The following NRXN3 variants were observed in gnomAD, a reference collection of about 807,000 sequenced individuals.
NRXN3 encodes the protein neurexin 3, also known as neurexin III.
In NRXN3, 32 loss-of-function variants were observed where a neutral mutation model predicts 137.6. That is an observed-to-expected ratio of 0.23 (90% confidence interval 0.18 to 0.31). The LOEUF is 0.31. NRXN3 is among the 10% of genes least tolerant of loss of function. NRXN3 has a pLI of 1.00. For missense variants in NRXN3, 1,574 were observed against 2,062.5 expected (o/e 0.76, Z 4.59); for synonymous variants, 798 against 784.5 (o/e 1.02, Z -0.29).
intron 17 of NRXN3, among the ~76,000 whole-genome samples, chr14:79,676,610 G>A (rs531932761): frequency 6.6e-6 from 1 of 152,070 alleles, no homozygotes; most frequent in South Asian, 2.1e-4. Context: ...AAAGGAAAGG[G>A]AGAGAAACAA....
At chr14:78,214,849 C>G (rs756349492) in intron 1 of NRXN3, among the ~76,000 whole-genome samples, 1 of 152,148 alleles carries the variant, frequency 6.6e-6, no homozygotes, top group Non-Finnish European at 1.5e-5. Flanking sequence ...CGAGTGCACT[C>G]TTTGCTGTGG....
intron 4 of NRXN3, among the ~76,000 whole-genome samples, chr14:78,505,966 G>T (rs1599608587): frequency 1.3e-5 from 2 of 152,062 alleles, no homozygotes; most frequent in Admixed American, 1.3e-4. Context: ...AGTGTCCTGT[G>T]CTCCTTTCTT....
At chr14:79,587,572 A>G (rs1048218506) in intron 16 of NRXN3, among the ~76,000 whole-genome samples, 4 of 152,366 alleles carry the variant, frequency 2.6e-5, no homozygotes, top group African/African-American at 9.6e-5. Context: ...TGGTGTGTAT[A>G]GATTTCAGAA....
intron 15 of NRXN3, among the ~76,000 whole-genome samples, chr14:79,454,364 G>GCAC (rs1257083463): frequency 6.6e-6 from 1 of 152,072 alleles, no homozygotes; most frequent in East Asian, 1.9e-4. Flanking sequence ...TTACAAGCAT[G>GCAC]CACCACCAGG....
chr14:78,726,679 C>G (rs117623129), intron 8 of NRXN3, among the ~76,000 whole-genome samples: 1 of 151,690 alleles, frequency 6.6e-6, no homozygotes, highest in Non-Finnish European at 1.5e-5. Flanking sequence ...CCATCACACC[C>G]GGCTAATTTT....
intron 16 of NRXN3, among the ~76,000 whole-genome samples, chr14:79,502,745 A>C (rs1189463764): frequency 6.6e-6 from 1 of 151,062 alleles, no homozygotes; most frequent in African/African-American, 2.4e-5. Flanking sequence ...TTGTTTCCCT[A>C]CTCCTTTATC....
chr14:79,267,760 T>C (rs963623371), intron 15 of NRXN3, among the ~76,000 whole-genome samples: 8 of 152,148 alleles, frequency 5.3e-5, no homozygotes, highest in Non-Finnish European at 1.2e-4. Context: ...CTGGGTGAGC[T>C]ACCACACCCA....
chr14:78,614,286 C>T (rs756603176), intron 4 of NRXN3, among the ~76,000 whole-genome samples: 1 of 151,934 alleles, frequency 6.6e-6, no homozygotes, highest in Admixed American at 6.6e-5. Context: ...CACAGTAGGG[C>T]ATGTATTGAT....
At chr14:79,118,469 G>T (rs2054844958) in intron 15 of NRXN3, among the ~76,000 whole-genome samples, 1 of 152,136 alleles carries the variant, frequency 6.6e-6, no homozygotes, top group African/African-American at 2.4e-5. Flanking sequence ...AGTCCTCAGA[G>T]CACTTTTTTT....
chr14:79,066,854 G>A (rs113609397), intron 15 of NRXN3, among the ~76,000 whole-genome samples: 9,383 of 152,102 alleles, frequency 0.062, 884 homozygotes, highest in African/African-American at 0.2. Context: ...ATCAGCTTAC[G>A]AAGCCTTTGA....
chr14:79,086,992 A>G (rs1327533490), intron 15 of NRXN3, among the ~76,000 whole-genome samples: 1 of 152,198 alleles, frequency 6.6e-6, no homozygotes, highest in Non-Finnish European at 1.5e-5. Flanking sequence ...ATAACTTAAG[A>G]GAGCAACAAT....
rs113494946 is a variant in NRXN3 at position 79,142,383 on chromosome 14, G to A, written c.3262+154242G>A. On this transcript the variant is annotated intron_variant, in intron 15 of 20. Coordinates refer to ENST00000335750, the MANE Select transcript of NRXN3 (RefSeq NM_001330195.2). ...AGACGTTGCAGTGAGCCGAGATGGC[G>A]CCACTGCACCCCAGCCTGGGAGACA... Among the ~76,000 whole-genome samples, 1,294 of 151,460 alleles carry A rather than the reference G, an allele frequency of 8.5e-3. 15 individuals carry two copies. The highest frequency in any genetic ancestry group is 0.029 in the African/African-American group (1,203 of 41,218).
chr14:78,308,865 A>G (rs1255286259), intron 4 of NRXN3, among the ~76,000 whole-genome samples: 1 of 152,110 alleles, frequency 6.6e-6, no homozygotes, highest in Non-Finnish European at 1.5e-5. Context: ...ACTGTAATCC[A>G]TTGTTCCTTG....
In NRXN3 at chr14:79,535,801, T is replaced by G. The variant is rs569468825; in HGVS notation, c.3444+68399T>G. Among the ~76,000 whole-genome samples, 7 of 152,320 alleles carry G rather than the reference T, an allele frequency of 4.6e-5. No homozygotes were observed. The South Asian group carries it at 1.4e-3, about 32-fold the overall frequency. On this transcript the variant is annotated intron_variant, in intron 16 of 20. Coordinates refer to ENST00000335750, the MANE Select transcript of NRXN3 (RefSeq NM_001330195.2). ...CTAGGTTTGTCTGACTAGGAACTTCTGGTCTCTCCAGGACACAACAGAGCC... is the reference window on the plus strand; with the variant it reads ...CTAGGTTTGTCTGACTAGGAACTTCGGGTCTCTCCAGGACACAACAGAGCC...
At chr14:78,645,857 C>T (rs1323302374) in intron 5 of NRXN3, among the ~76,000 whole-genome samples, 4 of 152,096 alleles carry the variant, frequency 2.6e-5, no homozygotes, top group African/African-American at 7.2e-5. Flanking sequence ...GCCATTGCCA[C>T]GATGCCATAA....
chr14:79,226,032 T>C (rs2070799288), intron 15 of NRXN3, among the ~76,000 whole-genome samples: 1 of 152,174 alleles, frequency 6.6e-6, no homozygotes, highest in Non-Finnish European at 1.5e-5. Context: ...ACAACCTCAA[T>C]TCCACCTGCA....
chr14:78,984,232 C>T (rs1266197001), intron 14 of NRXN3, among the ~76,000 whole-genome samples: 1 of 152,022 alleles, frequency 6.6e-6, no homozygotes, highest in Non-Finnish European at 1.5e-5. Flanking sequence ...GTTTTTACCA[C>T]AAAAAAGTGC....
intron 15 of NRXN3, among the ~76,000 whole-genome samples, chr14:79,292,091 A>C (rs1224217735): frequency 3.9e-5 from 6 of 152,198 alleles, no homozygotes; most frequent in Non-Finnish European, 4.4e-5. Context: ...AGCCTATAGC[A>C]TCTGTTGAAC....
intron 19 of NRXN3, among the ~76,000 whole-genome samples, chr14:79,750,203 G>A (rs1219734002): frequency 3.3e-5 from 5 of 152,210 alleles, no homozygotes. Flanking sequence ...TAAGAATAGG[G>A]ACTCAGCCTA....
Sources: allele counts gnomAD v4.1 joint callset (sites outside exome capture counted in the v4.1 genomes callset), GRCh38; gene constraint gnomAD v4.1.1; transcripts MANE v1.5; gene names NCBI Gene and HGNC (gene_info 2026-07-23, HGNC 2026-07-21).